Variants in SMC2 observed in about 807,000 individuals in gnomAD.
The protein encoded by SMC2 is structural maintenance of chromosomes 2, also known as structural maintenance of chromosomes protein 2.
SMC2 carries 41 observed loss-of-function variants against 142.6 expected under a neutral mutation model. The observed-to-expected ratio is 0.29, with a 90% CI of 0.22 to 0.37. The LOEUF is 0.37. Among genes scored for constraint, SMC2 ranks in the 10% least tolerant of loss-of-function variants. SMC2 has a pLI of 1.00. For missense variants in SMC2, 1,265 were observed against 1,373.7 expected, an observed-to-expected ratio of 0.92 and a Z score of 1.25; for synonymous variants, 463 against 457.5, an observed-to-expected ratio of 1.01 and a Z score of -0.15.
intron 15 of SMC2, among the ~76,000 whole-genome samples, chr9:104,119,275 T>A (rs1313772823): frequency 6.6e-6 from 1 of 152,248 alleles, no homozygotes; most frequent in Non-Finnish European, 1.5e-5. Flanking sequence ...TTGATTCAGA[T>A]GCTTTTGAAG....
intron 21 of SMC2, 98 bp from the exon 22 acceptor site, chr9:104,131,911 G>A (rs551484201): frequency 1.7e-4 from 109 of 656,512 alleles, no homozygotes; most frequent in African/African-American, 1.6e-3. Context: ...TGTATGTATT[G>A]TATATAAAAA....
intron 9 of SMC2, among the ~76,000 whole-genome samples, chr9:104,108,688 A>C (rs1365330070): frequency 1.3e-5 from 2 of 152,226 alleles, no homozygotes; most frequent in Non-Finnish European, 2.9e-5. Context: ...CCAACCTGTC[A>C]GTGTTAATAG....
Position 104,118,184 on chromosome 9 carries a change from A to G in SMC2, c.1805A>G (p.Asn602Ser), listed in dbSNP as rs1421356520. ...RVAQNLVGPDNVHVALSLVEY... is the reference protein window; with the variant it reads ...RVAQNLVGPDSVHVALSLVEY... The stretch of plus-strand genomic sequence containing the variant: ...GTTGTCCCACAGGTTGGCCCTGACA[A>G]CGTTCATGTGGCTCTTTCCTTGGTT... Residue 602 changes from asparagine to serine, a missense_variant, in exon 15 of 25, where the codon AAC becomes AGC. Transcript: ENST00000374793. 5 of 1,613,800 alleles carry G rather than the reference A, an allele frequency of 3.1e-6. No homozygotes were observed. Among genetic ancestry groups the G allele is most frequent in the East Asian group, 2.2e-5 (1 of 44,860 alleles).
At chr9:104,135,901 G>A (rs1588009134) in intron 23 of SMC2, 1 of 518,624 alleles carries the variant, frequency 1.9e-6, no homozygotes, top group African/African-American at 1.9e-5. Flanking sequence ...CAGGTTAAAG[G>A]AAGTTCTCAG....
chr9:104,098,901 G>C (rs1830793538), intron 4 of SMC2, among the ~76,000 whole-genome samples: 1 of 150,666 alleles, frequency 6.6e-6, no homozygotes. Context: ...AATATTTCAA[G>C]TATAAAAGCT....
upstream of SMC2, among the ~76,000 whole-genome samples, chr9:104,094,005 T>G (rs953664092): frequency 1.3e-5 from 2 of 152,270 alleles, no homozygotes; most frequent in African/African-American, 4.8e-5. Context: ...GCAGTGTGCC[T>G]AACGCGAACT....
intron 9 of SMC2, among the ~76,000 whole-genome samples, chr9:104,110,503 G>C (rs1048532100): frequency 1.3e-5 from 2 of 152,132 alleles, no homozygotes; most frequent in African/African-American, 4.8e-5. Context: ...TTAACAGTAG[G>C]CTATTAATAG....
chr9:104,119,017 A>G (rs1231132116), intron 15 of SMC2, among the ~76,000 whole-genome samples: 1 of 152,194 alleles, frequency 6.6e-6, no homozygotes, highest in Non-Finnish European at 1.5e-5. Flanking sequence ...GGCAGAGCTT[A>G]GAATCTGAAT....
chr9:104,115,358 T>G (rs1267643272), intron 13 of SMC2, among the ~76,000 whole-genome samples: 1 of 152,002 alleles, frequency 6.6e-6, no homozygotes, highest in Non-Finnish European at 1.5e-5. Context: ...GCAGATCATT[T>G]GAGCCCAGGA....
intron 7 of SMC2, among the ~76,000 whole-genome samples, chr9:104,101,086 T>C (rs1198837153): frequency 6.6e-6 from 1 of 152,040 alleles, no homozygotes; most frequent in Non-Finnish European, 1.5e-5. Flanking sequence ...TACAGGTGCA[T>C]GCCACCACAC....
At chr9:104,091,798 GAGAGT>G (rs1829983989), upstream of SMC2, among the ~76,000 whole-genome samples, 1 of 152,086 alleles carries the variant, frequency 6.6e-6, no homozygotes, top group African/African-American at 2.4e-5. Flanking sequence ...AGTTCCCTAG[GAGAGT>G]AGAGCACCAA....
chr9:104,134,339 GC>G, intron 22 of SMC2, 75 bp from the exon 23 acceptor site: 2 of 1,115,106 alleles, frequency 1.8e-6, no homozygotes, highest in Non-Finnish European at 2.5e-6. Context: ...CTGCTGTGTT[GC>G]ATATACATAT....
rs1358082796 is a variant in SMC2 at position 104,102,673 on chromosome 9, T to C, written c.1020+100T>C. The C allele has an allele frequency of 4.0e-6, 5 of 1,258,522 alleles. No homozygotes were observed. In the African/African-American group the frequency reaches 4.6e-5, roughly 12 times the overall value. 78.0% of individuals were successfully genotyped at this position (1,258,522 alleles called of 1,614,324 possible). A position where few individuals can be genotyped will look rare whatever the true frequency, so the allele number is the denominator to read the frequency against. On this transcript the variant is annotated intron_variant, in intron 9 of 24. Coordinates refer to ENST00000374793, the MANE Select transcript of SMC2 (RefSeq NM_006444.3). Reference sequence around the variant, plus strand: ...CCATGAATATTTAGTGAGTGTCTTCTATAAGCTAAGTACAGTTGTTTGGGC... The same window carrying C: ...CCATGAATATTTAGTGAGTGTCTTCCATAAGCTAAGTACAGTTGTTTGGGC...
At position 104,140,601 on chromosome 9, in the gene SMC2, C is replaced by T. The variant is rs1835980808; in HGVS notation, c.*1286C>T. 1 of 152,484 alleles carries T rather than the reference C, an allele frequency of 6.6e-6. No homozygotes were observed. The highest frequency in any genetic ancestry group is 1.5e-5 in the Non-Finnish European group (1 of 68,014). 9.4% of individuals were successfully genotyped at this position (152,484 alleles called of 1,614,324 possible). On this transcript the variant is annotated 3_prime_UTR_variant, in exon 25 of 25. Transcript: ENST00000374793. ...TACATATGAGATGTCAGAAAACATG[C>T]AGTAATTGATATTATGGGACACATT...
chr9:104,095,690 G>A (rs1483727328), intron 2 of SMC2, 138 bp downstream of exon 2: 4 of 661,016 alleles, frequency 6.1e-6, no homozygotes, highest in African/African-American at 1.8e-5. Context: ...ACCTTTTAAG[G>A]AAAGTAATAT....
chr9:104,116,308 G>T lies in SMC2; in HGVS notation c.1780G>T (p.Ala594Ser), dbSNP rs376298987. 1.2e-6 allele frequency: 2 copies of T among 1,604,166 alleles called. No homozygotes were observed. The highest frequency in any genetic ancestry group is 1.7e-6 in the Non-Finnish European group (2 of 1,176,736). ...TATTGCACCAGAAACTCTGAGAGTT[G>T]CTCAGAATCTTGTAAGTCTCATTTT... ...RCIAPETLRV[A>S]QNLVGPDNVH... Residue 594 changes from alanine to serine, a missense_variant, in exon 14 of 25, where the codon GCT becomes TCT. Coordinates refer to ENST00000374793, the MANE Select transcript of SMC2 (RefSeq NM_006444.3).
intron 17 of SMC2, among the ~76,000 whole-genome samples, chr9:104,124,332 G>A (rs1834039597): frequency 6.6e-6 from 1 of 152,138 alleles, no homozygotes; most frequent in South Asian, 2.1e-4. Flanking sequence ...TGATCTGCCT[G>A]CCTTGGCTTC....
In SMC2 at chr9:104,120,015, T is replaced by G; in HGVS notation, c.1997-12T>G. The stretch of plus-strand genomic sequence containing the variant: ...ACAATGTGGAAGACCTGTTTCAATT[T>G]GCCTCTATCAGGTGCTCGATCCCAG... On this transcript the variant is annotated splice_polypyrimidine_tract_variant and intron_variant, in intron 15 of 24. Transcript: ENST00000374793. 5 of 1,613,384 alleles carry G rather than the reference T, an allele frequency of 3.1e-6. No individual in the cohort carries two copies. Among genetic ancestry groups the G allele is most frequent in the Non-Finnish European group, 4.2e-6 (5 of 1,179,688 alleles).
At chr9:104,130,400 G>A (rs1228808449) in intron 21 of SMC2, among the ~76,000 whole-genome samples, 1 of 152,086 alleles carries the variant, frequency 6.6e-6, no homozygotes, top group Non-Finnish European at 1.5e-5. Context: ...AGTGGGGGAA[G>A]CATTCCCTAC....
Sources: gnomAD v4.1 joint callset for allele counts (sites outside exome capture counted in the v4.1 genomes callset) on GRCh38, gnomAD v4.1.1 for gene constraint, MANE v1.5 for transcripts, NCBI Gene and HGNC (gene_info 2026-07-23, HGNC 2026-07-21) for gene names.